Variants in PBX3 observed in about 807,000 individuals in gnomAD.
PBX3 encodes the protein PBX homeobox 3, also known as pre-B-cell leukemia transcription factor 3.
Under a neutral mutation model 48.5 loss-of-function variants are expected in PBX3, and 14 were observed. The observed-to-expected ratio is 0.29, with a 90% confidence interval of 0.19 to 0.45. PBX3 has a LOEUF of 0.45. Among genes scored for constraint, PBX3 ranks in the 20% least tolerant of loss-of-function variants. The probability of loss-of-function intolerance (pLI) is 1.00; values close to 1 mark genes in which losing one functional copy is unlikely to be tolerated. For synonymous variants in PBX3, 210 were observed against 200.3 expected (o/e 1.05, Z -0.41); for missense variants, 386 against 546.7 (o/e 0.71, Z 2.93).
intron 2 of PBX3, among the ~76,000 whole-genome samples, chr9:125,826,905 C>T (rs1333143133): frequency 6.6e-6 from 1 of 152,154 alleles, no homozygotes; most frequent in East Asian, 1.9e-4. Context: ...CTTCTAGCTA[C>T]TTTGAAATAT....
At chr9:125,891,376 C>T (rs1840638684) in intron 2 of PBX3, among the ~76,000 whole-genome samples, 1 of 152,184 alleles carries the variant, frequency 6.6e-6, no homozygotes, top group South Asian at 2.1e-4. Flanking sequence ...AAGTTGATAT[C>T]TGACCATTTG....
intron 2 of PBX3, among the ~76,000 whole-genome samples, chr9:125,767,261 C>T (rs1057186885): frequency 6.6e-6 from 1 of 152,176 alleles, no homozygotes; most frequent in Non-Finnish European, 1.5e-5. Context: ...GTGAGTTAGG[C>T]TGATATGTAT....
intron 2 of PBX3, among the ~76,000 whole-genome samples, chr9:125,846,654 CCTT>C (rs1479083440): frequency 6.6e-6 from 1 of 151,946 alleles, no homozygotes; most frequent in African/African-American, 2.4e-5. Context: ...TCAGCTTTCT[CCTT>C]CTACATTTTA....
intron 2 of PBX3, among the ~76,000 whole-genome samples, chr9:125,880,816 G>C (rs984079120): frequency 4.6e-5 from 7 of 152,084 alleles, no homozygotes; most frequent in African/African-American, 1.4e-4. Context: ...TCAAATGCTG[G>C]ATTTTCTTTT....
chr9:125,757,973 A>G (rs1197692990), intron 2 of PBX3, among the ~76,000 whole-genome samples: 1 of 152,198 alleles, frequency 6.6e-6, no homozygotes, highest in South Asian at 2.1e-4. Flanking sequence ...AAATTCTTTT[A>G]ACTGTGTATG....
intron 2 of PBX3, among the ~76,000 whole-genome samples, chr9:125,758,889 C>G (rs192580078): frequency 4.7e-4 from 71 of 152,080 alleles, no homozygotes; most frequent in Admixed American, 6.5e-5. Flanking sequence ...TAATATAATG[C>G]TGATGACATA....
chr9:125,927,268 C>T (rs185379215), intron 3 of PBX3, among the ~76,000 whole-genome samples: 7 of 152,094 alleles, frequency 4.6e-5, no homozygotes, highest in Admixed American at 2.6e-4. Context: ...TGAAGAATCC[C>T]GTAAGTATAA....
chr9:125,870,715 T>C (rs1840101700), intron 2 of PBX3, among the ~76,000 whole-genome samples: 1 of 152,190 alleles, frequency 6.6e-6, no homozygotes, highest in Non-Finnish European at 1.5e-5. Context: ...ACTTAAATCT[T>C]GGATGTAAGT....
chr9:125,747,384 T>C lies in PBX3; in HGVS notation c.-70T>C, dbSNP rs1489225885. Reference sequence around the variant, plus strand: ...TCCCCCTCTTTCTTCTCCTCCCTCGTCGCCGCCGCCGCCGCCGCCGCCTCA... The same window carrying C: ...TCCCCCTCTTTCTTCTCCTCCCTCGCCGCCGCCGCCGCCGCCGCCGCCTCA... On this transcript the variant is annotated 5_prime_UTR_variant, in exon 1 of 9. Coordinates refer to ENST00000373489, the MANE Select transcript of PBX3 (RefSeq NM_006195.6). 8.5e-5 allele frequency: 51 copies of C among 600,270 alleles called. No individual in the cohort carries two copies. Among genetic ancestry groups the C allele is most frequent in the East Asian group, 3.8e-4 (4 of 10,610 alleles). 37.2% of individuals were successfully genotyped at this position (600,270 alleles called of 1,614,324 possible).
chr9:125,821,083 C>A (rs965313283), intron 2 of PBX3, among the ~76,000 whole-genome samples: 14 of 152,148 alleles, frequency 9.2e-5, no homozygotes, highest in African/African-American at 3.4e-4. Context: ...CTATAAATCT[C>A]TCAAGCTGCG....
chr9:125,883,331 A>G (rs570225261), intron 2 of PBX3, among the ~76,000 whole-genome samples: 67 of 152,336 alleles, frequency 4.4e-4, no homozygotes, highest in African/African-American at 1.6e-3. Context: ...TGATGTCTGT[A>G]TTTTGTGATT....
chr9:125,793,366 A>ATATATATATATATATAT (rs1554855766), intron 2 of PBX3, among the ~76,000 whole-genome samples: 37 of 101,922 alleles, frequency 3.6e-4, no homozygotes, highest in East Asian at 6.3e-4. Flanking sequence ...GGAAAAAAAA[A>ATATATATATATATATAT]ATATATATAT....
Position 125,965,852 on chromosome 9 carries a change from G to A in PBX3, c.1234G>A (p.Ala412Thr), listed in dbSNP as rs774888450. The A allele has an allele frequency of 4.6e-5, 74 of 1,613,826 alleles. No homozygotes were observed. The highest frequency in any genetic ancestry group is 6.2e-5 in the Non-Finnish European group (73 of 1,179,828). Residue 412 changes from alanine (A) to threonine (T), a missense_variant, in exon 9 of 9, where the codon GCA becomes ACA. Ala to Thr is a moderately conservative substitution (Grantham distance 58). Coordinates refer to ENST00000373489, the MANE Select transcript of PBX3 (RefSeq NM_006195.6). ...NLNANGGWQD[A>T]TTPSSVTSPT... ...TCAGGCTAATGGAGGCTGGCAGGAC[G>A]CAACAACTCCATCTTCTGTGACTTC...
At chr9:125,892,482 G>C (rs1221023492) in intron 2 of PBX3, among the ~76,000 whole-genome samples, 2 of 151,812 alleles carry the variant, frequency 1.3e-5, no homozygotes, top group Non-Finnish European at 2.9e-5. Flanking sequence ...ATTCTTACAT[G>C]GTATCATTAG....
At chr9:125,931,474 T>C (rs1220758744) in intron 4 of PBX3, among the ~76,000 whole-genome samples, 1 of 152,108 alleles carries the variant, frequency 6.6e-6, no homozygotes, top group African/African-American at 2.4e-5. Context: ...ATTTTTGTAT[T>C]TTTTGTAGAG....
intron 2 of PBX3, among the ~76,000 whole-genome samples, chr9:125,843,118 T>C (rs1475858458): frequency 6.6e-6 from 1 of 152,078 alleles, no homozygotes; most frequent in African/African-American, 2.4e-5. Context: ...TGAATACAGG[T>C]CTCCCTAAAA....
Position 125,747,465 on chromosome 9 carries a change from A to G in PBX3, c.12A>G (p.Gln4=), listed in dbSNP as rs947925446. The change falls in exon 1 of 9, where the codon CAA becomes CAG. Residue 4 remains glutamine, a synonymous_variant. Transcript: ENST00000373489. MDD[Q]SRMLQTLAGV... ...CCGCGCGCGGCGGGATGGACGATCA[A>G]TCCAGGATGCTGCAGACTCTGGCCG... is the stretch of plus-strand genomic sequence containing the variant. 4 of 1,560,770 alleles carry G rather than the reference A, an allele frequency of 2.6e-6. No homozygotes were observed. Among genetic ancestry groups the G allele is most frequent in the Non-Finnish European group, 3.5e-6 (4 of 1,155,892 alleles).
chr9:125,875,778 T>C (rs1254813227), intron 2 of PBX3, among the ~76,000 whole-genome samples: 16 of 152,240 alleles, frequency 1.1e-4, no homozygotes, highest in Admixed American at 1.0e-3. Context: ...TGGAATTTTT[T>C]GCTATTTATA....
chr9:125,782,069 T>A (rs1837336101), intron 2 of PBX3, among the ~76,000 whole-genome samples: 1 of 152,212 alleles, frequency 6.6e-6, no homozygotes, highest in East Asian at 1.9e-4. Context: ...TATAACAATC[T>A]GGTGTATTAG....
Sources: allele counts gnomAD v4.1 joint callset (sites outside exome capture counted in the v4.1 genomes callset), GRCh38; gene constraint gnomAD v4.1.1; transcripts MANE v1.5; gene names NCBI Gene and HGNC (gene_info 2026-07-23, HGNC 2026-07-21).